The following WDPCP variants were observed in gnomAD, a reference collection of about 807,000 sequenced individuals.
WDPCP encodes WD repeat containing planar cell polarity effector, also known as WD repeat-containing and planar cell polarity effector protein fritz homolog.
WDPCP carries 71 observed loss-of-function variants against 93.1 expected under a neutral mutation model. That is an observed-to-expected ratio of 0.76 (90% CI 0.63 to 0.93). The LOEUF is 0.93. WDPCP is among the 40% of genes least tolerant of loss of function. The probability of loss-of-function intolerance (pLI) is 0.00; values close to 1 mark genes in which losing one functional copy is unlikely to be tolerated. For synonymous variants in WDPCP, 315 were observed against 315.0 expected (o/e 1.00, Z 0.00); for missense variants, 844 against 887.4 (o/e 0.95, Z 0.62).
intron 6 of WDPCP, among the ~76,000 whole-genome samples, chr2:63,464,814 A>C (rs1266863149): frequency 6.6e-6 from 1 of 152,134 alleles, no homozygotes; most frequent in Non-Finnish European, 1.5e-5. Context: ...GATTCCACTT[A>C]GATGGGGTAT....
chr2:63,612,150 A>T lies in WDPCP; in HGVS notation n.488+38509T>A, dbSNP rs538889633. 5.9e-5 allele frequency among the ~76,000 whole-genome samples: 9 copies of T among 152,346 alleles called. No individual in the cohort carries two copies. The South Asian group carries it at 6.2e-4, about 11-fold the overall frequency. ...TTTTACTTCACGTTTTTTGAAGAAT[A>T]GACCAACTCATGGGCTTGGAAGTCA... On this transcript the variant is annotated intron_variant and non_coding_transcript_variant, in intron 3 of 4. Coordinates refer to the WDPCP transcript ENST00000467687.
chr2:63,808,386 T>G (rs1670802557), intron 2 of WDPCP, among the ~76,000 whole-genome samples: 1 of 136,096 alleles, frequency 7.3e-6, no homozygotes, highest in Admixed American at 7.9e-5. Context: ...CTCCCTCTGA[T>G]GCCGAGCCGA....
chr2:63,583,738 T>C (rs764271573), intron 1 of WDPCP, among the ~76,000 whole-genome samples: 3 of 151,936 alleles, frequency 2.0e-5, no homozygotes, highest in Non-Finnish European at 2.9e-5. Flanking sequence ...AGGGTACTAG[T>C]GTCATGAGTG....
intron 14 of WDPCP, chr2:63,229,278 T>C (rs1390268506): frequency 2.6e-5 from 4 of 152,050 alleles, no homozygotes; most frequent in Admixed American, 6.6e-5. Flanking sequence ...TTGGATGGGG[T>C]TGTTTGTTTT....
At chr2:63,266,570 C>T (rs950402084) in intron 13 of WDPCP, among the ~76,000 whole-genome samples, 65 of 152,140 alleles carry the variant, frequency 4.3e-4, no homozygotes, top group African/African-American at 1.3e-3. Context: ...CACTTTGGGA[C>T]GCTGAGGCGG....
intron 1 of WDPCP, among the ~76,000 whole-genome samples, chr2:63,535,023 C>T (rs1238765084): frequency 6.6e-6 from 1 of 152,166 alleles, no homozygotes; most frequent in Non-Finnish European, 1.5e-5. Flanking sequence ...TCTCAGGATA[C>T]AAAATCAATG....
intron 3 of WDPCP, among the ~76,000 whole-genome samples, chr2:63,640,026 T>C (rs1709963660): frequency 6.6e-6 from 1 of 152,228 alleles, no homozygotes. Flanking sequence ...TTTGTTTTTT[T>C]CTGAGACGGA....
chr2:63,588,545 T>G, upstream of WDPCP: 1 of 581,134 alleles, frequency 1.7e-6, no homozygotes, highest in Non-Finnish European at 3.1e-6. Context: ...GATCCAGCTT[T>G]ACGCAGCGGA....
chr2:63,744,509 G>A (rs529744701), intron 2 of WDPCP, among the ~76,000 whole-genome samples: 1 of 152,096 alleles, frequency 6.6e-6, no homozygotes, highest in South Asian at 2.1e-4. Context: ...AAATTAGTCA[G>A]ACCAAGGACA....
chr2:63,369,528 C>T (rs1691209141), intron 12 of WDPCP: 1 of 456,312 alleles, frequency 2.2e-6, no homozygotes, highest in African/African-American at 2.0e-5. Flanking sequence ...TAAACAATTC[C>T]AAACAGATAC....
At chr2:63,466,174 T>C (rs1699334113) in intron 6 of WDPCP, among the ~76,000 whole-genome samples, 1 of 152,168 alleles carries the variant, frequency 6.6e-6, no homozygotes, top group African/African-American at 2.4e-5. Context: ...AAAGGACAGG[T>C]ACTTCTTCAC....
intron 9 of WDPCP, among the ~76,000 whole-genome samples, chr2:63,416,526 AC>A (rs563216818): frequency 0.011 from 597 of 56,270 alleles, 19 homozygotes; most frequent in Admixed American, 0.085. Flanking sequence ...CACCAAAAAT[AC>A]TTTTTTTTTT....
intron 14 of WDPCP, among the ~76,000 whole-genome samples, chr2:63,251,279 A>G (rs987010276): frequency 2.0e-5 from 3 of 152,138 alleles, no homozygotes; most frequent in African/African-American, 7.2e-5. Flanking sequence ...GAAATGACAA[A>G]GGTAATATTA....
At chr2:63,150,712 TA>T (rs1192922394) in intron 17 of WDPCP, among the ~76,000 whole-genome samples, 1 of 152,236 alleles carries the variant, frequency 6.6e-6, no homozygotes, top group Non-Finnish European at 1.5e-5. Context: ...AAGTACTTGA[TA>T]AATTCTAACA....
intron 12 of WDPCP, among the ~76,000 whole-genome samples, chr2:63,338,569 AATATATATATATAT>A (rs1159039677): frequency 2.4e-3 from 35 of 14,490 alleles, no homozygotes; most frequent in African/African-American, 9.1e-3. Flanking sequence ...AAAAAAAAAA[AATATATATATATAT>A]ATATATATAT....
intron 2 of WDPCP, among the ~76,000 whole-genome samples, chr2:63,730,441 GA>G (rs1324793913): frequency 6.6e-6 from 1 of 152,130 alleles, no homozygotes; most frequent in Non-Finnish European, 1.5e-5. Context: ...CTTAATGACT[GA>G]AGTTCTCTAG....
chr2:63,322,117 TA>T (rs1367242031), intron 12 of WDPCP, among the ~76,000 whole-genome samples: 28 of 152,112 alleles, frequency 1.8e-4, no homozygotes, highest in Non-Finnish European at 5.9e-5. Context: ...AGCTAACAGG[TA>T]GGGGGCTTGG....
chr2:63,150,322 C>A (rs776876798), intron 17 of WDPCP, among the ~76,000 whole-genome samples: 2 of 152,212 alleles, frequency 1.3e-5, no homozygotes, highest in Admixed American at 6.5e-5. Flanking sequence ...CTTCCTCCCC[C>A]CAGGAGACAT....
Position 63,121,727 on chromosome 2 carries a change from A to T in WDPCP, c.*279T>A. 1.6e-6 allele frequency: 1 copy of T among 643,118 alleles called. No homozygotes were observed. 39.8% of individuals were successfully genotyped at this position (643,118 alleles called of 1,614,324 possible). ...CAAAGTTTAAATATTCTATTTTTGT[A>T]GCACCTAATTAACATACAATTTAAG... On this transcript the variant is annotated 3_prime_UTR_variant, in exon 18 of 18. Coordinates refer to ENST00000272321, the MANE Select transcript of WDPCP (RefSeq NM_015910.7).
Sources: allele counts gnomAD v4.1 joint callset (sites outside exome capture counted in the v4.1 genomes callset), GRCh38; gene constraint gnomAD v4.1.1; transcripts MANE v1.5; gene names NCBI Gene and HGNC (gene_info 2026-07-23, HGNC 2026-07-21).